The following RBFOX1 variants were observed in gnomAD, a reference collection of about 807,000 sequenced individuals.
The protein encoded by RBFOX1 is RNA binding fox-1 homolog 1.
A neutral mutation model predicts 57.7 loss-of-function variants in RBFOX1; 8 were observed. That is an observed-to-expected ratio of 0.14 (90% CI 0.08 to 0.25). The LOEUF is 0.25. Among genes scored for constraint, RBFOX1 ranks in the 10% least tolerant of loss-of-function variants. The probability of loss-of-function intolerance (pLI) is 1.00; values close to 1 mark genes in which losing one functional copy is unlikely to be tolerated. For synonymous variants in RBFOX1, 326 were observed against 222.4 expected, an observed-to-expected ratio of 1.47 and a Z score of -4.15; for missense variants, 611 against 548.5, an observed-to-expected ratio of 1.11 and a Z score of -1.14.
intron 2 of RBFOX1, among the ~76,000 whole-genome samples, chr16:5,500,154 C>T (rs989034916): frequency 8.8e-5 from 12 of 137,032 alleles, no homozygotes; most frequent in African/African-American, 4.0e-4. Flanking sequence ...CCTTCCCTTC[C>T]TCCCCTCCCA....
Position 7,217,273 on chromosome 16 carries a change from CTT to C in RBFOX1, c.27+165183_27+165184del, listed in dbSNP as rs142196891. On this transcript the variant is annotated intron_variant, in intron 4 of 15. Coordinates refer to ENST00000550418, the MANE Select transcript of RBFOX1 (RefSeq NM_018723.4). ...CGTTCCACCACAGCTGGCTAATTAT[CTT>C]TTTTTTTCTTATTCTTCTTTTTTTT... Among the ~76,000 whole-genome samples the C allele has an allele frequency of 1.0e-3, 133 of 127,604 alleles. 3 individuals carry two copies. The Admixed American group carries it at 0.01, about 10-fold the overall frequency. The allele number at this position is 127,604 out of a possible 152,430, so 83.7% of individuals were successfully genotyped here.
At chr16:6,304,876 C>CAAA (rs58680911) in intron 1 of RBFOX1, among the ~76,000 whole-genome samples, 3 of 79,648 alleles carry the variant, frequency 3.8e-5, no homozygotes, top group Non-Finnish European at 4.4e-5. Flanking sequence ...GACCCTGTCT[C>CAAA]AAAAAAAAAA....
intron 3 of RBFOX1, among the ~76,000 whole-genome samples, chr16:6,841,359 A>G (rs985600544): frequency 5.3e-5 from 8 of 152,180 alleles, no homozygotes; most frequent in African/African-American, 9.7e-5. Flanking sequence ...TTAGACAGGA[A>G]TAAAGTTGAA....
chr16:7,633,437 A>G (rs937585850), intron 11 of RBFOX1, among the ~76,000 whole-genome samples: 51 of 152,294 alleles, frequency 3.3e-4, no homozygotes, highest in African/African-American at 1.2e-3. Context: ...ATGTTAATGA[A>G]CCCATAGTAT....
intron 3 of RBFOX1, among the ~76,000 whole-genome samples, chr16:6,713,349 T>G (rs1603451187): frequency 6.6e-6 from 1 of 152,148 alleles, no homozygotes; most frequent in African/African-American, 2.4e-5. Context: ...ATGACCAAGT[T>G]AATGCCAACC....
At chr16:6,108,734 C>T (rs923290119) in intron 1 of RBFOX1, among the ~76,000 whole-genome samples, 22 of 152,118 alleles carry the variant, frequency 1.4e-4, no homozygotes, top group African/African-American at 5.3e-4. Flanking sequence ...CCTCCTTCCT[C>T]TTCTAGCTTC....
intron 3 of RBFOX1, among the ~76,000 whole-genome samples, chr16:6,678,337 C>T (rs1049082889): frequency 4.6e-5 from 7 of 152,222 alleles, no homozygotes; most frequent in Admixed American, 3.3e-4. Context: ...GTTGGCCAGG[C>T]TGGTTTGAAC....
chr16:5,251,660 T>A (rs7188513), intron 1 of RBFOX1, among the ~76,000 whole-genome samples: 75,277 of 151,860 alleles, frequency 0.5, 18,791 homozygotes, highest in East Asian at 0.59. Context: ...GAACAGTGGC[T>A]GCTTGGAGTG....
At chr16:6,586,022 T>C (rs2097608821) in intron 2 of RBFOX1, among the ~76,000 whole-genome samples, 1 of 152,222 alleles carries the variant, frequency 6.6e-6, no homozygotes, top group Non-Finnish European at 1.5e-5. Flanking sequence ...TAATATATAC[T>C]GCAATGTATA....
intron 4 of RBFOX1, among the ~76,000 whole-genome samples, chr16:7,515,704 G>A (rs992458655): frequency 2.0e-5 from 3 of 152,206 alleles, no homozygotes; most frequent in African/African-American, 4.8e-5. Context: ...CTGACTGCGG[G>A]TAAAGCTGGA....
chr16:7,686,122 G>C (rs192717544), intron 14 of RBFOX1, among the ~76,000 whole-genome samples: 2 of 151,774 alleles, frequency 1.3e-5, no homozygotes, highest in South Asian at 2.1e-4. Context: ...CTGACACTTA[G>C]TTCTCAGGAT....
At chr16:7,607,700 A>G (rs1452525119) in intron 10 of RBFOX1, among the ~76,000 whole-genome samples, 1 of 152,168 alleles carries the variant, frequency 6.6e-6, no homozygotes, top group African/African-American at 2.4e-5. Flanking sequence ...ATACATTTCC[A>G]TTTGGGGTTG....
At position 6,042,090 on chromosome 16, in the gene RBFOX1, G is replaced by A. The variant is rs531327203; in HGVS notation, c.-127+22098G>A. 6.0e-5 allele frequency among the ~76,000 whole-genome samples: 9 copies of A among 149,820 alleles called. No homozygotes were observed. In the South Asian group the frequency reaches 1.9e-3, roughly 32 times the overall value. Reference sequence around the variant, plus strand: ...GTCATCTCCACAGTCTCATCTCCTGGACTCTCTCCTACTTTTTTTTTTTTT... The same window carrying A: ...GTCATCTCCACAGTCTCATCTCCTGAACTCTCTCCTACTTTTTTTTTTTTT... On this transcript the variant is annotated intron_variant, in intron 1 of 15. Transcript: ENST00000550418.
chr16:7,403,609 C>G (rs1263356330), intron 4 of RBFOX1, among the ~76,000 whole-genome samples: 1 of 138,774 alleles, frequency 7.2e-6, no homozygotes, highest in East Asian at 2.5e-4. Context: ...TGCAATGGCA[C>G]AATCTCAGGT....
chr16:5,830,278 T>G (rs184495417), intron 3 of RBFOX1, among the ~76,000 whole-genome samples: 129 of 152,274 alleles, frequency 8.5e-4, no homozygotes, highest in African/African-American at 2.9e-3. Context: ...TTTTATGATG[T>G]TGGAGGTGGA....
chr16:7,113,006 AG>A (rs1348356682), intron 4 of RBFOX1, among the ~76,000 whole-genome samples: 1 of 152,192 alleles, frequency 6.6e-6, no homozygotes, highest in African/African-American at 2.4e-5. Flanking sequence ...ACATGAATTC[AG>A]GGGTGAGTCA....
At chr16:6,345,818 G>A (rs1383531147) in intron 2 of RBFOX1, among the ~76,000 whole-genome samples, 1 of 152,172 alleles carries the variant, frequency 6.6e-6, no homozygotes, top group Non-Finnish European at 1.5e-5. Context: ...AGGTCCTGAC[G>A]ACATGTGCGC....
At chr16:7,184,919 TGG>T (rs1038373754) in intron 4 of RBFOX1, among the ~76,000 whole-genome samples, 3 of 152,004 alleles carry the variant, frequency 2.0e-5, no homozygotes, top group African/African-American at 7.3e-5. Flanking sequence ...AATGCTTACT[TGG>T]TGCCCAAAGT....
intron 3 of RBFOX1, among the ~76,000 whole-genome samples, chr16:5,861,005 A>G (rs1025678322): frequency 6.6e-6 from 1 of 152,228 alleles, no homozygotes; most frequent in African/African-American, 2.4e-5. Flanking sequence ...AAGGGATACC[A>G]AAGAGAAACT....
Sources: allele counts gnomAD v4.1 joint callset (sites outside exome capture counted in the v4.1 genomes callset), GRCh38; gene constraint gnomAD v4.1.1; transcripts MANE v1.5; gene names NCBI Gene and HGNC (gene_info 2026-07-23, HGNC 2026-07-21).